PALLD: variants seen among roughly 807,000 people sequenced by gnomAD.
PALLD encodes the protein palladin, cytoskeletal associated protein.
PALLD carries 61 observed loss-of-function variants against 123.5 expected under a neutral mutation model. The ratio of observed to expected loss-of-function variants is 0.49; its 90% CI spans 0.40 to 0.61. The LOEUF is 0.61. Among genes scored for constraint, PALLD ranks in the 20% least tolerant of loss-of-function variants. The pLI is 0.00. For synonymous variants in PALLD, 465 were observed against 496.4 expected (o/e 0.94, Z 0.84); for missense variants, 1,273 against 1,377.0 (o/e 0.92, Z 1.20).
chr4:168,711,441 G>A (rs1247555262), intron 9 of PALLD, 140 bp from the exon 10 acceptor site: 18 of 697,718 alleles, frequency 2.6e-5, no homozygotes, highest in South Asian at 1.7e-4. Context: ...GTGCTTCTGC[G>A]TCAGATGAGA....
intron 10 of PALLD, among the ~76,000 whole-genome samples, chr4:168,883,157 TGAG>T (rs1752862451): frequency 6.6e-6 from 1 of 151,842 alleles, no homozygotes; most frequent in Non-Finnish European, 1.5e-5. Flanking sequence ...AAATATAATA[TGAG>T]GAGAATTTGA....
At chr4:168,820,526 C>T (rs998993237) in intron 10 of PALLD, among the ~76,000 whole-genome samples, 3 of 152,068 alleles carry the variant, frequency 2.0e-5, no homozygotes, top group African/African-American at 7.2e-5. Context: ...GAAATAGTGC[C>T]AGTTATGCGT....
intron 3 of PALLD, among the ~76,000 whole-genome samples, chr4:168,670,923 A>G (rs1015106894): frequency 5.3e-5 from 8 of 151,672 alleles, no homozygotes; most frequent in Admixed American, 5.2e-4. Flanking sequence ...AAAATTAGCC[A>G]GGCATGATGG....
At chr4:168,535,319 G>A (rs936301994) in intron 2 of PALLD, among the ~76,000 whole-genome samples, 8 of 152,194 alleles carry the variant, frequency 5.3e-5, no homozygotes, top group African/African-American at 9.7e-5. Flanking sequence ...TGGCTTAAAT[G>A]GGAGAGAGGG....
intron 2 of PALLD, among the ~76,000 whole-genome samples, chr4:168,560,723 A>G (rs17541413): frequency 0.12 from 17,828 of 152,164 alleles, 1,423 homozygotes; most frequent in Non-Finnish European, 0.17. Flanking sequence ...GTTCCTAGTA[A>G]GTGCCAGGTA....
chr4:168,903,867 T>G lies in PALLD; in HGVS notation c.2583T>G (p.Asp861Glu). 6.2e-7 allele frequency: 1 copy of G among 1,613,956 alleles called. No individual in the cohort carries two copies. Among genetic ancestry groups the G allele is most frequent in the South Asian group, 1.1e-5 (1 of 91,076 alleles). Reference protein sequence around the residue: ...CSLHTTASTLDDDGNYTIMAA... With the variant: ...CSLHTTASTLEDDGNYTIMAA... ...TCCATACCACAGCCTCCACCCTAGA[T>G]GATGATGGGAATTATACAATTATGG... The change falls in exon 15 of 22, where the codon GAT becomes GAG. Residue 861 changes from aspartate to glutamate, a missense_variant. By Grantham distance (45) the Asp-to-Glu change is conservative. Around this residue, in one of 2 missense-constraint regions of PALLD, gnomAD observed 329 missense variants for 422.5 expected, o/e 0.78. Coordinates refer to ENST00000505667, the MANE Select transcript of PALLD (RefSeq NM_001166108.2).
chr4:168,512,017 G>A lies in PALLD; in HGVS notation c.513G>A (p.Lys171=). The A allele has an allele frequency of 6.2e-7, 1 of 1,614,184 alleles. No homozygotes were observed. Among genetic ancestry groups the A allele is most frequent in the Non-Finnish European group, 8.5e-7 (1 of 1,180,030 alleles). The change falls in exon 2 of 22, where the codon AAG becomes AAA. Residue 171 remains lysine, a synonymous_variant. Coordinates refer to ENST00000505667, the MANE Select transcript of PALLD (RefSeq NM_001166108.2). ...GCCCCCAGAGCCAGCTGTGTGACAA[G>A]GCAGCTAATTTAATTGAGGAGCTAA... is the stretch of plus-strand genomic sequence containing the variant. ...KGGPQSQLCD[K]AANLIEELTS...
At chr4:168,913,225 C>T (rs1015672842) in intron 15 of PALLD, among the ~76,000 whole-genome samples, 68 of 151,334 alleles carry the variant, frequency 4.5e-4, no homozygotes, top group African/African-American at 1.6e-3. Context: ...CAACCTCCGC[C>T]TCCCGGGTTC....
At chr4:168,525,691 C>G (rs963531719) in intron 2 of PALLD, among the ~76,000 whole-genome samples, 3 of 152,124 alleles carry the variant, frequency 2.0e-5, no homozygotes, top group Admixed American at 6.5e-5. Context: ...TGGTATACCT[C>G]AAATTAAAGA....
chr4:168,618,487 G>A (rs534966534), intron 2 of PALLD, among the ~76,000 whole-genome samples: 1 of 152,178 alleles, frequency 6.6e-6, no homozygotes, highest in South Asian at 2.1e-4. Context: ...GGCCATACTC[G>A]TACAGGTAAG....
intron 11 of PALLD, 183 bp from the exon 12 acceptor site, chr4:168,894,395 AG>A (rs2151215561): frequency 1.6e-6 from 1 of 623,992 alleles, no homozygotes; most frequent in East Asian, 2.9e-5. Flanking sequence ...CATTAGTACT[AG>A]AAAGGGAGGT....
intron 2 of PALLD, among the ~76,000 whole-genome samples, chr4:168,523,019 C>T (rs1439235079): frequency 6.6e-6 from 1 of 152,062 alleles, no homozygotes. Flanking sequence ...AACAAGCTTC[C>T]AGTCACTGTT....
intron 10 of PALLD, among the ~76,000 whole-genome samples, chr4:168,733,640 C>T (rs1339332117): frequency 2.6e-5 from 4 of 152,124 alleles, no homozygotes; most frequent in African/African-American, 9.7e-5. Context: ...CTTTGTTGCC[C>T]AGGCTGGTTT....
intron 15 of PALLD, among the ~76,000 whole-genome samples, chr4:168,905,790 C>CTTTTTTTTTTTTTTTTTTT (rs59427697): frequency 1.5e-4 from 17 of 113,098 alleles, no homozygotes; most frequent in South Asian, 3.0e-4. Context: ...GCTTTTTTTT[C>CTTTTTTTTTTTTTTTTTTT]TTTTTTTTTT....
chr4:168,794,812 A>G (rs1251257324), intron 10 of PALLD, among the ~76,000 whole-genome samples: 1 of 152,160 alleles, frequency 6.6e-6, no homozygotes, highest in South Asian at 2.1e-4. Context: ...CTCAATGAAT[A>G]TTAGCGATCA....
chr4:168,744,835 T>G (rs759188881), intron 10 of PALLD, among the ~76,000 whole-genome samples: 4 of 152,212 alleles, frequency 2.6e-5, no homozygotes, highest in Non-Finnish European at 5.9e-5. Flanking sequence ...ATGCTTTGTG[T>G]TGGATGAGTT....
chr4:168,864,552 A>G (rs1749987763), intron 10 of PALLD: 1 of 152,150 alleles, frequency 6.6e-6, no homozygotes, highest in Non-Finnish European at 1.5e-5. Context: ...CACAGATACT[A>G]TACATACTTC....
intron 10 of PALLD, among the ~76,000 whole-genome samples, chr4:168,724,476 T>C (rs540230463): frequency 1.3e-5 from 2 of 152,356 alleles, no homozygotes; most frequent in East Asian, 3.9e-4. Flanking sequence ...GAGTGATTGT[T>C]TCCTTACCTG....
At chr4:168,689,432 C>CTTTTTTTTTTTTTTTT (rs70961551) in intron 6 of PALLD, among the ~76,000 whole-genome samples, 5 of 49,834 alleles carry the variant, frequency 1.0e-4, no homozygotes, top group Non-Finnish European at 1.5e-4. Context: ...ATCCAATATT[C>CTTTTTTTTTTTTTTTT]TTTTTTTTTT....
Sources: allele counts gnomAD v4.1 joint callset (sites outside exome capture counted in the v4.1 genomes callset), GRCh38; gene constraint gnomAD v4.1.1; regional missense constraint gnomAD v4.1.1; transcripts MANE v1.5; gene names NCBI Gene and HGNC (gene_info 2026-07-23, HGNC 2026-07-21).